Variants in KIAA1549L observed in about 807,000 individuals in gnomAD.
KIAA1549L encodes UPF0606 protein KIAA1549L.
In KIAA1549L, 88 loss-of-function variants were observed where a neutral mutation model predicts 160.7. The ratio of observed to expected loss-of-function variants is 0.55; its 90% confidence interval spans 0.46 to 0.65. The LOEUF (loss-of-function observed/expected upper bound fraction) is 0.65. KIAA1549L is among the 30% of genes least tolerant of loss of function. The pLI is 0.00. For missense variants in KIAA1549L, 2,258 were observed against 2,437.5 expected, an observed-to-expected ratio of 0.93 and a Z score of 1.55; for synonymous variants, 950 against 976.7, an observed-to-expected ratio of 0.97 and a Z score of 0.51.
At chr11:33,439,315 T>A (rs547103577) in intron 1 of KIAA1549L, among the ~76,000 whole-genome samples, 81 of 152,346 alleles carry the variant, frequency 5.3e-4, no homozygotes, top group African/African-American at 1.9e-3. Flanking sequence ...ACATGAGATA[T>A]TTTGTTACAT....
At position 33,606,948 on chromosome 11, in the gene KIAA1549L, T is replaced by G. The variant is rs544234721; in HGVS notation, c.5061+126T>G. ...GGGCCGTATAGGTCATTTTTACCTC[T>G]GCATGTACCAGGCCTCTGCAGAATG... is the stretch of plus-strand genomic sequence containing the variant. On this transcript the variant is annotated intron_variant, in intron 14 of 20. Transcript: ENST00000658780. The G allele has an allele frequency of 4.1e-6, 3 of 726,306 alleles. No homozygotes were observed. The South Asian group carries it at 6.1e-5, about 15-fold the overall frequency. 45.0% of individuals were successfully genotyped at this position (726,306 alleles called of 1,614,324 possible). A position where few individuals can be genotyped will look rare whatever the true frequency, so the allele number is the denominator to read the frequency against.
chr11:33,599,655 A>C (rs1331710097), intron 13 of KIAA1549L, among the ~76,000 whole-genome samples: 2 of 152,148 alleles, frequency 1.3e-5, no homozygotes, highest in Admixed American at 1.3e-4. Flanking sequence ...GTAGTTGTGG[A>C]GTGGCATTGT....
At chr11:33,645,492 AGT>A (rs1001296961) in intron 16 of KIAA1549L, among the ~76,000 whole-genome samples, 192 bp from the exon 17 acceptor site, 10 of 152,190 alleles carry the variant, frequency 6.6e-5, no homozygotes, top group African/African-American at 2.4e-4. Context: ...CGATAGCCAG[AGT>A]GTGGCCTTCC....
rs567135021 is a variant in KIAA1549L at position 33,589,378 on chromosome 11, A to C, written c.4567-1859A>C. Among the ~76,000 whole-genome samples, 8 of 152,328 alleles carry C rather than the reference A, an allele frequency of 5.3e-5. No homozygotes were observed. In the South Asian group the frequency reaches 1.7e-3, roughly 32 times the overall value. On this transcript the variant is annotated intron_variant, in intron 11 of 20. Transcript: ENST00000658780. Reference sequence around the variant, plus strand: ...CGATTCCTCAGGGATATAGAACTAGAAATACCATTTGACCCAGCCATCCCC... The same window carrying C: ...CGATTCCTCAGGGATATAGAACTAGCAATACCATTTGACCCAGCCATCCCC...
chr11:33,379,760 G>C (rs578018113), intron 1 of KIAA1549L, among the ~76,000 whole-genome samples: 1 of 152,220 alleles, frequency 6.6e-6, no homozygotes, highest in Non-Finnish European at 1.5e-5. Flanking sequence ...GATTACACGA[G>C]TTAAAGCATC....
intron 1 of KIAA1549L, among the ~76,000 whole-genome samples, chr11:33,427,765 T>C (rs534460789): frequency 6.6e-6 from 1 of 152,168 alleles, no homozygotes; most frequent in Non-Finnish European, 1.5e-5. Flanking sequence ...ACCCCCTTAC[T>C]AGTTAAGTAG....
chr11:33,562,119 C>T (rs2133220676), intron 8 of KIAA1549L, among the ~76,000 whole-genome samples: 1 of 152,346 alleles, frequency 6.6e-6, no homozygotes, highest in Middle Eastern at 3.4e-3. Context: ...CGGGCATGCA[C>T]TTGCGTCTCT....
intron 6 of KIAA1549L, among the ~76,000 whole-genome samples, chr11:33,555,580 CATTAGGAAAACTGAAT>C (rs1854619606): frequency 6.6e-6 from 1 of 152,166 alleles, no homozygotes; most frequent in Non-Finnish European, 1.5e-5. Flanking sequence ...CTTTTTAACA[CATTAGGAAAACTGAAT>C]ATTCACATGT....
At chr11:33,502,498 G>T (rs1042449469) in intron 1 of KIAA1549L, among the ~76,000 whole-genome samples, 1 of 152,158 alleles carries the variant, frequency 6.6e-6, no homozygotes. Context: ...CTCAAGTTGA[G>T]TTGACCATGG....
intron 18 of KIAA1549L, 108 bp from the exon 19 acceptor site, chr11:33,658,642 G>A: frequency 8.8e-7 from 1 of 1,134,502 alleles, no homozygotes; most frequent in Non-Finnish European, 1.3e-6. Flanking sequence ...ACCTCATGAG[G>A]CTTGGAGGCA....
At chr11:33,448,112 G>T (rs1034716915) in intron 1 of KIAA1549L, among the ~76,000 whole-genome samples, 1 of 151,868 alleles carries the variant, frequency 6.6e-6, no homozygotes, top group Admixed American at 6.6e-5. Flanking sequence ...TTTAAATTCC[G>T]GGATACATGT....
intron 6 of KIAA1549L, among the ~76,000 whole-genome samples, chr11:33,559,295 C>T (rs899404261): frequency 2.0e-5 from 3 of 152,176 alleles, no homozygotes; most frequent in African/African-American, 7.2e-5. Context: ...ATGTAACATT[C>T]CAATGCTCTA....
chr11:33,587,690 A>G (rs1590371735), intron 11 of KIAA1549L, among the ~76,000 whole-genome samples: 1 of 152,224 alleles, frequency 6.6e-6, no homozygotes, highest in Admixed American at 6.5e-5. Context: ...GTGTATATCC[A>G]TCATTGACCC....
chr11:33,381,437 T>C (rs1050066405), intron 1 of KIAA1549L, among the ~76,000 whole-genome samples: 1 of 152,174 alleles, frequency 6.6e-6, no homozygotes, highest in Non-Finnish European at 1.5e-5. Flanking sequence ...GCAAAGGCCT[T>C]GAGCAGAGAT....
rs2133474396 is a variant in KIAA1549L, at chr11:33,670,855, A to G, written c.*2701A>G. The G allele has an allele frequency of 6.6e-6, 1 of 152,440 alleles. No individual in the cohort carries two copies. The highest frequency in any genetic ancestry group is 6.5e-5 in the Admixed American group (1 of 15,308). 9.4% of individuals were successfully genotyped at this position (152,440 alleles called of 1,614,324 possible). A position where few individuals can be genotyped will look rare whatever the true frequency, so the allele number is the denominator to read the frequency against. On this transcript the variant is annotated 3_prime_UTR_variant, in exon 21 of 21. Transcript: ENST00000658780. ...GGTTGACCTTGGAGGAGGAAGCAGAAGTACCACGAAGTGGAGTGACTGGCC... is the reference window on the plus strand; with the variant it reads ...GGTTGACCTTGGAGGAGGAAGCAGAGGTACCACGAAGTGGAGTGACTGGCC...
In KIAA1549L at chr11:33,661,020, ACCC is replaced by A; in HGVS notation, c.6159+7_6159+9del. On this transcript the variant is annotated splice_region_variant and intron_variant, in intron 20 of 20. Coordinates refer to ENST00000658780, the MANE Select transcript of KIAA1549L (RefSeq NM_012194.3). ...CGAGCCAGTGGGCAGATTCGGTGAG[ACCC>A]TTGCTCTTCACCTCATAAAACTTTA... is the stretch of plus-strand genomic sequence containing the variant. 3 of 1,603,904 alleles carry A rather than the reference ACCC, an allele frequency of 1.9e-6. No individual in the cohort carries two copies. The highest frequency in any genetic ancestry group is 1.7e-6 in the Non-Finnish European group (2 of 1,174,750).
At chr11:33,459,829 C>T (rs990297881) in intron 1 of KIAA1549L, among the ~76,000 whole-genome samples, 4 of 149,488 alleles carry the variant, frequency 2.7e-5, no homozygotes, top group Non-Finnish European at 4.5e-5. Flanking sequence ...GGCGTAGTGG[C>T]GGGCGCCTGT....
intron 14 of KIAA1549L, among the ~76,000 whole-genome samples, chr11:33,609,433 G>A (rs1389829658): frequency 2.0e-5 from 3 of 152,244 alleles, no homozygotes; most frequent in African/African-American, 7.2e-5. Context: ...AAAGGGTATA[G>A]GCATAATTAA....
intron 14 of KIAA1549L, 42 bp downstream of exon 14, chr11:33,606,864 A>G (rs1850520377): frequency 1.3e-6 from 2 of 1,524,234 alleles, no homozygotes; most frequent in Non-Finnish European, 1.8e-6. Flanking sequence ...GTCCGGCCAG[A>G]CTTGGGAAAT....
Sources: allele counts gnomAD v4.1 joint callset (sites outside exome capture counted in the v4.1 genomes callset), GRCh38; gene constraint gnomAD v4.1.1; transcripts MANE v1.5; gene names NCBI Gene and HGNC (gene_info 2026-07-23, HGNC 2026-07-21).